Variants in SLX9 observed in about 807,000 individuals in gnomAD.
SLX9 encodes SLX9 ribosome biogenesis factor.
SLX9 carries 19 observed loss-of-function variants against 20.8 expected under a neutral mutation model. The ratio of observed to expected loss-of-function variants is 0.91; its 90% CI spans 0.64 to 1.34. The LOEUF is 1.34. Ranked by LOEUF, SLX9 falls within the 40% of genes most tolerant of loss-of-function variation. The pLI is 0.00. For missense variants in SLX9, 299 were observed against 322.2 expected (o/e 0.93, Z 0.55); for synonymous variants, 113 against 137.1 (o/e 0.82, Z 1.23).
At chr21:44,967,370 G>A (rs2294167) in intron 4 of SLX9, among the ~76,000 whole-genome samples, 189 bp downstream of exon 4, 8,838 of 152,264 alleles carry the variant, frequency 0.058, 307 homozygotes, top group East Asian at 0.15. Context: ...GCCCGTGGGG[G>A]CTGTGGGGGA....
At chr21:44,953,244 G>A (rs910551112) in intron 2 of SLX9, among the ~76,000 whole-genome samples, 12 of 152,352 alleles carry the variant, frequency 7.9e-5, no homozygotes, top group African/African-American at 2.9e-4. Context: ...TGGCCGGCCT[G>A]TCATGTTCAG....
intron 2 of SLX9, among the ~76,000 whole-genome samples, chr21:44,950,611 C>G (rs1216817141): frequency 1.3e-5 from 2 of 152,232 alleles, no homozygotes; most frequent in African/African-American, 4.8e-5. Flanking sequence ...GACCAGGGGT[C>G]GGAGGTGTGG....
chr21:44,943,847 G>A lies in SLX9; in HGVS notation c.283+10G>A. ...CCTTCCATCAGGAGAGGTGAGGCAG[G>A]CTCGACGGGTTACCATGCTGATACC... On this transcript the variant is annotated intron_variant, in intron 2 of 5. Coordinates refer to ENST00000291634, the MANE Select transcript of SLX9 (RefSeq NM_058190.4). 1 of 1,613,972 alleles carries A rather than the reference G, an allele frequency of 6.2e-7. No individual in the cohort carries two copies. Among genetic ancestry groups the A allele is most frequent in the East Asian group, 2.2e-5 (1 of 44,878 alleles).
At chr21:44,973,746 C>T (rs536799856) in intron 5 of SLX9, among the ~76,000 whole-genome samples, 5 of 152,218 alleles carry the variant, frequency 3.3e-5, no homozygotes, top group African/African-American at 1.2e-4. Flanking sequence ...GCCTGCCCTC[C>T]CAGGGGTTCA....
In SLX9 at chr21:44,940,043, T is replaced by G. The variant is rs1457703497; in HGVS notation, c.-15T>G. On this transcript the variant is annotated 5_prime_UTR_variant, in exon 1 of 6. Coordinates refer to ENST00000291634, the MANE Select transcript of SLX9 (RefSeq NM_058190.4). ...CGGGAGGCGCTCCGCACGTTTGCCG[T>G]GCTCCGCCGGGAAGATGGGGAAAGT... The G allele has an allele frequency of 3.5e-6, 5 of 1,436,080 alleles. No homozygotes were observed. Among genetic ancestry groups the G allele is most frequent in the Non-Finnish European group, 3.7e-6 (4 of 1,094,672 alleles). The allele number at this position is 1,436,080 out of a possible 1,614,324, so 89.0% of individuals were successfully genotyped here. A position where few individuals can be genotyped will look rare whatever the true frequency, so the allele number is the denominator to read the frequency against.
chr21:44,940,342 G>A (rs1201879670), intron 1 of SLX9, among the ~76,000 whole-genome samples, 156 bp downstream of exon 1: 1 of 152,242 alleles, frequency 6.6e-6, no homozygotes, highest in African/African-American at 2.4e-5. Flanking sequence ...GCTTCGCGAA[G>A]CGTCGTAAAC....
At chr21:44,951,793 G>A (rs1405577069) in intron 2 of SLX9, among the ~76,000 whole-genome samples, 1 of 152,128 alleles carries the variant, frequency 6.6e-6, no homozygotes, top group East Asian at 1.9e-4. Context: ...AACCGGGGCG[G>A]GGCATCTCAG....
At chr21:44,959,800 G>C (rs763823921) in intron 2 of SLX9, among the ~76,000 whole-genome samples, 3 of 152,364 alleles carry the variant, frequency 2.0e-5, no homozygotes, top group Non-Finnish European at 4.4e-5. Context: ...CAGTCATTCG[G>C]GGCATGAGTG....
intron 2 of SLX9, 138 bp from the exon 3 acceptor site, chr21:44,959,962 G>C (rs1370904585): frequency 4.1e-6 from 3 of 736,420 alleles, no homozygotes; most frequent in Non-Finnish European, 7.1e-6. Flanking sequence ...AGAGCCGGGA[G>C]TCTGAGAGGC....
At position 44,963,644 on chromosome 21, in the gene SLX9, C is replaced by G. The variant is rs575752916; in HGVS notation, c.353-3390C>G. 2.3e-4 allele frequency among the ~76,000 whole-genome samples: 35 copies of G among 151,846 alleles called. No homozygotes were observed. The South Asian group carries it at 5.8e-3, about 25-fold the overall frequency. Reference sequence around the variant, plus strand: ...CCCCTAATATGGATATTCAGCTGTTCCAGCACCATTTGTTATAAGTACTTT... The same window carrying G: ...CCCCTAATATGGATATTCAGCTGTTGCAGCACCATTTGTTATAAGTACTTT... On this transcript the variant is annotated intron_variant, in intron 3 of 5. Coordinates refer to ENST00000291634, the MANE Select transcript of SLX9 (RefSeq NM_058190.4).
At chr21:44,966,039 C>T (rs2085028000) in intron 3 of SLX9, among the ~76,000 whole-genome samples, 1 of 152,042 alleles carries the variant, frequency 6.6e-6, no homozygotes, top group African/African-American at 2.4e-5. Flanking sequence ...GCTGAGGACC[C>T]AGAGGAAGGG....
chr21:44,945,983 C>G (rs1399514149), intron 2 of SLX9, among the ~76,000 whole-genome samples: 1 of 152,058 alleles, frequency 6.6e-6, no homozygotes, highest in Non-Finnish European at 1.5e-5. Context: ...ATCTGCCTGT[C>G]TTGGCCTCTC....
At chr21:44,975,499 C>T (rs576698727) in intron 5 of SLX9, among the ~76,000 whole-genome samples, 14 of 152,378 alleles carry the variant, frequency 9.2e-5, no homozygotes, top group African/African-American at 2.2e-4. Flanking sequence ...AGCCCCTCCC[C>T]GTGCAGCTTC....
At position 44,940,119 on chromosome 21, in the gene SLX9, A is replaced by G. The variant is rs776334314; in HGVS notation, c.62A>G (p.Glu21Gly). 3.4e-4 allele frequency: 474 copies of G among 1,382,562 alleles called. 4 individuals are homozygous for G. The highest frequency in any genetic ancestry group is 3.1e-5 in the Admixed American group (1 of 31,822). 85.6% of individuals were successfully genotyped at this position (1,382,562 alleles called of 1,614,324 possible). A position where few individuals can be genotyped will look rare whatever the true frequency, so the allele number is the denominator to read the frequency against. The stretch of plus-strand genomic sequence containing the variant: ...CAGGCTGCCGTGAGGCCGAAAGGGG[A>G]GGCCGCCCCCGGCCCCGCGCCCCCT... ...VHQAAVRPKG[E>G]AAPGPAPPAP... The change falls in exon 1 of 6, where the codon GAG becomes GGG. Residue 21 changes from glutamate to glycine, a missense_variant. Coordinates refer to ENST00000291634, the MANE Select transcript of SLX9 (RefSeq NM_058190.4).
intron 2 of SLX9, among the ~76,000 whole-genome samples, chr21:44,952,488 G>T (rs1479480860): frequency 2.6e-5 from 4 of 152,268 alleles, no homozygotes; most frequent in Non-Finnish European, 5.9e-5. Context: ...TCACCAGAAG[G>T]TTGGCCCCAG....
intron 5 of SLX9, among the ~76,000 whole-genome samples, chr21:44,976,214 G>A (rs988051674): frequency 5.3e-5 from 8 of 152,258 alleles, no homozygotes; most frequent in African/African-American, 1.2e-4. Flanking sequence ...ATGCTGGGTC[G>A]TCGCCGTGGC....
chr21:44,947,616 T>TCCTGTGACTGACAAGTTCATG (rs2084667732), intron 2 of SLX9, among the ~76,000 whole-genome samples: 1 of 151,470 alleles, frequency 6.6e-6, no homozygotes, highest in African/African-American at 2.5e-5. Context: ...ATCGTTCCTA[T>TCCTGTGACTGACAAGTTCATG]GTTTTTTTTC....
chr21:44,974,472 T>C (rs1568949058), intron 5 of SLX9, among the ~76,000 whole-genome samples: 1 of 152,264 alleles, frequency 6.6e-6, no homozygotes, highest in Non-Finnish European at 1.5e-5. Context: ...TTCCATCTCA[T>C]GTTCTCTAAT....
intron 4 of SLX9, chr21:44,969,349 G>A: frequency 2.5e-6 from 1 of 398,656 alleles, no homozygotes; most frequent in South Asian, 1.8e-5. Flanking sequence ...TCCTTTCCCT[G>A]TTTTCAGTTT....
Sources: gnomAD v4.1 joint callset for allele counts (sites outside exome capture counted in the v4.1 genomes callset) on GRCh38, gnomAD v4.1.1 for gene constraint, MANE v1.5 for transcripts, NCBI Gene and HGNC (gene_info 2026-07-23, HGNC 2026-07-21) for gene names.